Variants in PRKAR1A observed in about 807,000 individuals in gnomAD.
The protein encoded by PRKAR1A is cAMP-dependent protein kinase type I-alpha regulatory subunit.
A neutral mutation model predicts 52.0 loss-of-function variants in PRKAR1A; 3 were observed. The observed-to-expected ratio is 0.06, with a 90% CI of 0.03 to 0.15. PRKAR1A has a LOEUF of 0.15. PRKAR1A is among the 10% of genes least tolerant of loss of function. The pLI is 1.00. For synonymous variants in PRKAR1A, 188 were observed against 168.4 expected (o/e 1.12, Z -0.90); for missense variants, 240 against 477.4 (o/e 0.50, Z 4.63).
the PRKAR1A span, among the ~76,000 whole-genome samples, chr17:68,472,597 G>A: frequency 6.6e-6 from 1 of 152,204 alleles, no homozygotes; most frequent in South Asian, 2.1e-4. Flanking sequence ...AGAGTGATGC[G>A]TGAGCATCAC....
intron 7 of PRKAR1A, among the ~76,000 whole-genome samples, chr17:68,527,125 A>T (rs1038265709): frequency 6.6e-6 from 1 of 152,216 alleles, no homozygotes; most frequent in African/African-American, 2.4e-5. Context: ...ACCTGGAACT[A>T]TTGGTTTGAA....
the PRKAR1A span, chr17:68,427,327 A>G: frequency 1.8e-6 from 2 of 1,106,570 alleles, no homozygotes; most frequent in African/African-American, 3.1e-5. Context: ...CCAAAGGAAA[A>G]GCATGAAGAA....
the PRKAR1A span, among the ~76,000 whole-genome samples, chr17:68,484,956 C>A: frequency 3.3e-5 from 5 of 152,146 alleles, no homozygotes. Context: ...GTGTTTTCTG[C>A]CACAATGGCA....
the PRKAR1A span, among the ~76,000 whole-genome samples, chr17:68,460,486 C>T: frequency 6.6e-6 from 1 of 152,126 alleles, no homozygotes; most frequent in Non-Finnish European, 1.5e-5. Context: ...GAGCTATGGC[C>T]ACGGGAGAAA....
chr17:68,430,152 T>G, the PRKAR1A span: 1 of 1,612,870 alleles, frequency 6.2e-7, no homozygotes, highest in East Asian at 2.2e-5. Context: ...CGAAGGCTCT[T>G]CTGGTCGACT....
chr17:68,488,452 G>A, the PRKAR1A span, among the ~76,000 whole-genome samples: 1 of 152,060 alleles, frequency 6.6e-6, no homozygotes, highest in Non-Finnish European at 1.5e-5. Context: ...ATGGGGCTGG[G>A]TGCAGTGGCT....
chr17:68,420,103 A>C, the PRKAR1A span: 1 of 1,455,268 alleles, frequency 6.9e-7, no homozygotes. Flanking sequence ...TGTTTGAATT[A>C]ATGTAGAATC....
intron 1 of PRKAR1A, chr17:68,515,116 A>G (rs2085388314): frequency 2.2e-6 from 1 of 454,828 alleles, no homozygotes; most frequent in South Asian, 2.2e-5. Flanking sequence ...CCGTCTCTGC[A>G]GAGGTTAGTG....
chr17:68,414,287 T>C, the PRKAR1A span: 1 of 152,236 alleles, frequency 6.6e-6, no homozygotes, highest in Non-Finnish European at 1.5e-5. Flanking sequence ...GTGATTTTTG[T>C]TTTTAATTCT....
At chr17:68,497,817 G>A in the PRKAR1A span, among the ~76,000 whole-genome samples, 2 of 152,178 alleles carry the variant, frequency 1.3e-5, no homozygotes, top group East Asian at 3.8e-4. Context: ...AGGCTATGCT[G>A]CCTCACGAAA....
At chr17:68,490,739 A>G in the PRKAR1A span, among the ~76,000 whole-genome samples, 1 of 152,106 alleles carries the variant, frequency 6.6e-6, no homozygotes, top group Non-Finnish European at 1.5e-5. Context: ...CACTCCCTCT[A>G]CTTTCCTATT....
chr17:68,426,583 A>G, the PRKAR1A span, among the ~76,000 whole-genome samples: 1 of 152,150 alleles, frequency 6.6e-6, no homozygotes, highest in Non-Finnish European at 1.5e-5. Context: ...CCCAGGCTGG[A>G]GTGCAGTGGT....
the PRKAR1A span, among the ~76,000 whole-genome samples, chr17:68,438,420 G>T: frequency 6.6e-6 from 1 of 152,202 alleles, no homozygotes; most frequent in Admixed American, 6.6e-5. Flanking sequence ...TTCTAGTCTT[G>T]TGAAACTGGG....
chr17:68,489,278 ATATATATATATGGAAAG>A, the PRKAR1A span, among the ~76,000 whole-genome samples: 1 of 36,940 alleles, frequency 2.7e-5, no homozygotes, highest in Non-Finnish European at 5.0e-5. Context: ...ATATATATAT[ATATATATATATGGAAAG>A]TATATATATA....
At chr17:68,426,250 G>GGGGGGGGC in the PRKAR1A span, 2 of 828,060 alleles carry the variant, frequency 2.4e-6, no homozygotes, top group Non-Finnish European at 3.8e-6. Flanking sequence ...GGTGGGGAGC[G>GGGGGGGGC]GGGGCTCAAA....
the PRKAR1A span, among the ~76,000 whole-genome samples, chr17:68,486,523 T>TCCTTCCTTCCTTCCC: frequency 7.0e-5 from 7 of 100,216 alleles, no homozygotes; most frequent in South Asian, 1.0e-3. Flanking sequence ...CTTTCTTTCT[T>TCCTTCCTTCCTTCCC]TCTTTCTTTC....
At chr17:68,549,512 T>TA (rs1262326732) in intron 11 of PRKAR1A, among the ~76,000 whole-genome samples, 3 of 140,688 alleles carry the variant, frequency 2.1e-5, no homozygotes, top group African/African-American at 7.8e-5. Flanking sequence ...AAAAAAAAGT[T>TA]AGAGACATCC....
the PRKAR1A span, among the ~76,000 whole-genome samples, chr17:68,452,683 T>C: frequency 6.6e-6 from 1 of 152,230 alleles, no homozygotes. Context: ...CACAAATAAT[T>C]TCTTCTATAA....
At chr17:68,508,743 G>T (rs1029978841), upstream of PRKAR1A, among the ~76,000 whole-genome samples, 1 of 152,046 alleles carries the variant, frequency 6.6e-6, no homozygotes, top group African/African-American at 2.4e-5. Context: ...TTTTTACTTG[G>T]AACGCTTTAG....
Sources: gnomAD v4.1 joint callset for allele counts (sites outside exome capture counted in the v4.1 genomes callset) on GRCh38, gnomAD v4.1.1 for gene constraint, MANE v1.5 for transcripts, NCBI Gene and HGNC (gene_info 2026-07-23, HGNC 2026-07-21) for gene names.